Variants in KLRF1 observed in about 807,000 individuals in gnomAD.
The protein encoded by KLRF1 is killer cell lectin-like receptor subfamily F member 1.
In KLRF1, 27 loss-of-function variants were observed where a neutral mutation model predicts 30.7. The observed-to-expected ratio is 0.88, with a 90% CI of 0.65 to 1.21. KLRF1 has a LOEUF of 1.21. Among genes scored for constraint, KLRF1 ranks in the 50% most tolerant of loss-of-function variants. KLRF1 has a pLI of 0.00. For missense variants in KLRF1, 246 were observed against 259.3 expected, an observed-to-expected ratio of 0.95 and a Z score of 0.35; for synonymous variants, 92 against 89.3, an observed-to-expected ratio of 1.03 and a Z score of -0.17.
upstream of KLRF1, among the ~76,000 whole-genome samples, chr12:9,822,620 A>G (rs190339611): frequency 4.6e-5 from 7 of 152,364 alleles, no homozygotes; most frequent in Admixed American, 3.3e-4. Flanking sequence ...ACACATATGA[A>G]TACTAACCTT....
At chr12:9,835,982 T>C (rs938751663) in intron 3 of KLRF1, among the ~76,000 whole-genome samples, 2 of 151,978 alleles carry the variant, frequency 1.3e-5, no homozygotes, top group East Asian at 3.9e-4. Context: ...TAAAGGAAGT[T>C]CAGAGGTATA....
chr12:9,843,054 G>C (rs1183460187), intron 5 of KLRF1, among the ~76,000 whole-genome samples: 1 of 152,120 alleles, frequency 6.6e-6, no homozygotes, highest in South Asian at 2.1e-4. Context: ...GCCTTTGCAG[G>C]TATGATTAAA....
chr12:9,825,073 C>G (rs182495691), upstream of KLRF1, among the ~76,000 whole-genome samples: 95 of 152,220 alleles, frequency 6.2e-4, no homozygotes, highest in African/African-American at 2.2e-3. Flanking sequence ...AATGCTATTC[C>G]TATCATACTA....
intron 5 of KLRF1, among the ~76,000 whole-genome samples, chr12:9,843,485 T>C (rs1366663600): frequency 6.6e-6 from 1 of 152,196 alleles, no homozygotes; most frequent in Non-Finnish European, 1.5e-5. Context: ...ATATTACATA[T>C]TTTCTATCTG....
At chr12:9,815,714 T>G in the KLRF1 span, among the ~76,000 whole-genome samples, 1 of 152,250 alleles carries the variant, frequency 6.6e-6, no homozygotes. Flanking sequence ...AATACGCTCC[T>G]GTAAATCTCC....
the KLRF1 span, chr12:9,817,410 C>T: frequency 2.4e-6 from 1 of 408,534 alleles, no homozygotes; most frequent in Non-Finnish European, 4.7e-6. Context: ...TCTAGTTTCT[C>T]TGGTAGCTTT....
At chr12:9,819,083 T>G in the KLRF1 span, among the ~76,000 whole-genome samples, 1 of 152,242 alleles carries the variant, frequency 6.6e-6, no homozygotes, top group East Asian at 1.9e-4. Context: ...CCATGGATCT[T>G]TGCAACCCTT....
chr12:9,821,848 A>C, the KLRF1 span, among the ~76,000 whole-genome samples: 1 of 152,144 alleles, frequency 6.6e-6, no homozygotes, highest in Admixed American at 6.5e-5. Context: ...CCAACTGAAC[A>C]CTCTGCCTAA....
At chr12:9,807,492 C>T in the KLRF1 span, among the ~76,000 whole-genome samples, 1 of 152,088 alleles carries the variant, frequency 6.6e-6, no homozygotes, top group Non-Finnish European at 1.5e-5. Context: ...TATCGTCAAA[C>T]ACATCATATT....
chr12:9,841,887 A>G lies in KLRF1; in HGVS notation c.410A>G (p.Asp137Gly), dbSNP rs754806652. Residue 137 changes from aspartate (D) to glycine (G), a missense_variant, in exon 4 of 6, where the codon GAC (aspartate) becomes GGC (glycine). Transcript: ENST00000617889. ...WFSNEMKSWS[D>G]SYVYCLERKS... Reference sequence around the variant, plus strand: ...TCTAATGAGATGAAAAGCTGGAGTGACAGTTATGTGTATTGTTTGGAAAGA... The same window carrying G: ...TCTAATGAGATGAAAAGCTGGAGTGGCAGTTATGTGTATTGTTTGGAAAGA... 5.6e-6 allele frequency: 9 copies of G among 1,611,618 alleles called. No homozygotes were observed. In the East Asian group the frequency reaches 1.3e-4, roughly 24 times the overall value.
chr12:9,814,035 G>GAC, the KLRF1 span, among the ~76,000 whole-genome samples: 2 of 152,154 alleles, frequency 1.3e-5, no homozygotes, highest in Non-Finnish European at 2.9e-5. Flanking sequence ...GAGCCCCGCA[G>GAC]ACATCCTTCA....
At chr12:9,831,707 T>A (rs116862200) in intron 1 of KLRF1, among the ~76,000 whole-genome samples, 4,405 of 152,250 alleles carry the variant, frequency 0.029, 94 homozygotes, top group Non-Finnish European at 0.044. Context: ...TGAATAATAA[T>A]CATTGAACAA....
intron 3 of KLRF1, among the ~76,000 whole-genome samples, chr12:9,835,990 A>G (rs1304631294): frequency 2.0e-5 from 3 of 152,064 alleles, no homozygotes; most frequent in Admixed American, 6.6e-5. Flanking sequence ...GTTCAGAGGT[A>G]TAGGGAGACA....
At chr12:9,812,761 T>C in the KLRF1 span, among the ~76,000 whole-genome samples, 3 of 152,220 alleles carry the variant, frequency 2.0e-5, no homozygotes, top group Admixed American at 1.3e-4. Flanking sequence ...TTAGAGAGAA[T>C]GGAAAACTTA....
intron 1 of KLRF1, among the ~76,000 whole-genome samples, chr12:9,829,783 A>C (rs75591057): frequency 0.02 from 3,001 of 152,318 alleles, 84 homozygotes; most frequent in African/African-American, 0.068. Flanking sequence ...GAATTTAAAA[A>C]GTTTAAAAAA....
intron 5 of KLRF1, among the ~76,000 whole-genome samples, chr12:9,843,276 C>G (rs1003540955): frequency 2.0e-5 from 3 of 152,150 alleles, no homozygotes; most frequent in African/African-American, 7.2e-5. Context: ...GAAGGTGACT[C>G]TGCAGACGTT....
At chr12:9,802,698 A>G in the KLRF1 span, among the ~76,000 whole-genome samples, 1 of 152,094 alleles carries the variant, frequency 6.6e-6, no homozygotes, top group African/African-American at 2.4e-5. Context: ...TCATGAATAA[A>G]TTCCCATTCA....
intron 1 of KLRF1, among the ~76,000 whole-genome samples, chr12:9,828,039 G>C (rs1867320077): frequency 6.6e-6 from 1 of 151,892 alleles, no homozygotes; most frequent in Non-Finnish European, 1.5e-5. Flanking sequence ...AATATTTGCT[G>C]CCATTCACCT....
chr12:9,805,670 T>C, the KLRF1 span, among the ~76,000 whole-genome samples: 1 of 152,058 alleles, frequency 6.6e-6, no homozygotes, highest in Admixed American at 6.5e-5. Context: ...CCTTAGGAAG[T>C]TTTAAAACCA....
Sources: gnomAD v4.1 joint callset for allele counts (sites outside exome capture counted in the v4.1 genomes callset) on GRCh38, gnomAD v4.1.1 for gene constraint, MANE v1.5 for transcripts, NCBI Gene and HGNC (gene_info 2026-07-23, HGNC 2026-07-21) for gene names.